Variants in MRPL3 observed in about 807,000 individuals in gnomAD.
MRPL3 encodes the protein large ribosomal subunit protein uL3m.
Under a neutral mutation model 44.3 loss-of-function variants are expected in MRPL3, and 43 were observed. The ratio of observed to expected loss-of-function variants is 0.97; its 90% CI spans 0.76 to 1.25. The LOEUF (loss-of-function observed/expected upper bound fraction) is 1.25. MRPL3 is among the 50% of genes most tolerant of loss of function. The pLI is 0.00. For missense variants in MRPL3, 406 were observed against 427.6 expected (o/e 0.95, Z 0.45); for synonymous variants, 171 against 152.3 (o/e 1.12, Z -0.91).
At chr3:131,476,867 A>T (rs182994048) in intron 6 of MRPL3, among the ~76,000 whole-genome samples, 189 of 152,330 alleles carry the variant, frequency 1.2e-3, no homozygotes, top group African/African-American at 4.5e-3. Context: ...TCCAGGGAAG[A>T]CAGGGGATTA....
chr3:131,501,077 A>G (rs1031585909), intron 2 of MRPL3, among the ~76,000 whole-genome samples: 1 of 152,200 alleles, frequency 6.6e-6, no homozygotes, highest in Non-Finnish European at 1.5e-5. Flanking sequence ...TTAATAGAAA[A>G]GGCCTTATTC....
chr3:131,479,309 C>A, intron 6 of MRPL3: 1 of 349,058 alleles, frequency 2.9e-6, no homozygotes, highest in South Asian at 2.4e-5. Flanking sequence ...ACTCAAAAAA[C>A]CAGTAACTGT....
At chr3:131,465,137 G>A (rs1933572487) in intron 9 of MRPL3, among the ~76,000 whole-genome samples, 1 of 152,162 alleles carries the variant, frequency 6.6e-6, no homozygotes, top group South Asian at 2.1e-4. Context: ...TATACTTGCT[G>A]GAAATATATT....
In MRPL3 at chr3:131,469,708, T is replaced by G. The variant is rs778902830; in HGVS notation, c.804A>C (p.Glu268Asp). ...TTGTAACACTTACTTTCAGTCCATATTCTGTCCTGTATATGTTTCCCATTT... is the reference window on the plus strand; with the variant it reads ...TTGTAACACTTACTTTCAGTCCATAGTCTGTCCTGTATATGTTTCCCATTT... ...PGKMGNIYRT[E>D]YGLKVWRINT... The change falls in exon 8 of 10, where the codon GAA becomes GAC. Residue 268 changes from glutamate to aspartate, a missense_variant. Coordinates refer to ENST00000264995, the MANE Select transcript of MRPL3 (RefSeq NM_007208.4). The G allele has an allele frequency of 6.2e-7, 1 of 1,611,102 alleles. No homozygotes were observed. The highest frequency in any genetic ancestry group is 1.3e-5 in the African/African-American group (1 of 74,796).
At chr3:131,474,433 G>C (rs1354905973) in intron 6 of MRPL3, among the ~76,000 whole-genome samples, 1 of 152,084 alleles carries the variant, frequency 6.6e-6, no homozygotes, top group African/African-American at 2.4e-5. Context: ...GGAGAGGTTG[G>C]TTAATAGGTA....
intron 6 of MRPL3, among the ~76,000 whole-genome samples, chr3:131,473,511 C>T (rs945819309): frequency 1.3e-5 from 2 of 151,412 alleles, no homozygotes; most frequent in East Asian, 3.9e-4. Flanking sequence ...TTAAATGAGA[C>T]CTCAAAAGCA....
At chr3:131,472,700 G>A (rs1050350091) in intron 6 of MRPL3, among the ~76,000 whole-genome samples, 2 of 151,958 alleles carry the variant, frequency 1.3e-5, no homozygotes, top group Non-Finnish European at 2.9e-5. Context: ...CCAAAAAAGT[G>A]TTAGAATAAA....
At chr3:131,476,888 C>G (rs1321992305) in intron 6 of MRPL3, among the ~76,000 whole-genome samples, 1 of 152,186 alleles carries the variant, frequency 6.6e-6, no homozygotes. Context: ...AGTCTCCTTT[C>G]TTCTGTCCTA....
At chr3:131,484,136 A>C (rs1321577754) in intron 6 of MRPL3, among the ~76,000 whole-genome samples, 1 of 152,182 alleles carries the variant, frequency 6.6e-6, no homozygotes, top group Non-Finnish European at 1.5e-5. Context: ...GTTATAATTC[A>C]AGCAGAGTTA....
intron 9 of MRPL3, among the ~76,000 whole-genome samples, chr3:131,466,968 A>G (rs914180387): frequency 2.0e-5 from 3 of 152,092 alleles, no homozygotes; most frequent in African/African-American, 7.2e-5. Context: ...CTGTGCTTGT[A>G]GACCACCTCC....
chr3:131,466,133 G>A (rs1488414147), intron 9 of MRPL3, among the ~76,000 whole-genome samples: 3 of 151,486 alleles, frequency 2.0e-5, no homozygotes, highest in South Asian at 2.1e-4. Context: ...TCTCAGAAAG[G>A]TAATTTTAAA....
chr3:131,485,878 A>G lies in MRPL3; in HGVS notation c.629+1802T>C, dbSNP rs569345026. Among the ~76,000 whole-genome samples, 12 of 152,324 alleles carry G rather than the reference A, an allele frequency of 7.9e-5. No homozygotes were observed. The South Asian group carries it at 2.3e-3, about 29-fold the overall frequency. On this transcript the variant is annotated intron_variant, in intron 6 of 9. Transcript: ENST00000264995. ...TTTTGATAAAAGGTGCTCTGGCTCA[A>G]TCTCTGTGATTACAAACTTATCCCA... is the stretch of plus-strand genomic sequence containing the variant.
chr3:131,466,595 G>A (rs1237240464), intron 9 of MRPL3, among the ~76,000 whole-genome samples: 1 of 147,126 alleles, frequency 6.8e-6, no homozygotes, highest in East Asian at 2.1e-4. Context: ...CCCCTCAAAT[G>A]TCTACCTTTA....
intron 5 of MRPL3, among the ~76,000 whole-genome samples, chr3:131,488,313 TATAG>T (rs1362958873): frequency 1.3e-5 from 2 of 152,188 alleles, no homozygotes; most frequent in African/African-American, 4.8e-5. Context: ...AAATTGCCTT[TATAG>T]ATACTTATTA....
chr3:131,468,456 A>G (rs1933670850), intron 8 of MRPL3, among the ~76,000 whole-genome samples: 2 of 152,146 alleles, frequency 1.3e-5, no homozygotes, highest in South Asian at 4.1e-4. Context: ...ACCATTAACA[A>G]TAACAAGTGG....
chr3:131,468,608 C>T (rs576299875), intron 8 of MRPL3, among the ~76,000 whole-genome samples: 3 of 152,064 alleles, frequency 2.0e-5, no homozygotes, highest in South Asian at 2.1e-4. Context: ...GGAGAAAAAA[C>T]GTACATAAAT....
chr3:131,499,710 T>G (rs937234325), intron 3 of MRPL3, among the ~76,000 whole-genome samples: 4 of 151,838 alleles, frequency 2.6e-5, no homozygotes, highest in Non-Finnish European at 5.9e-5. Flanking sequence ...GGAGTGATGA[T>G]CTCTTACCAG....
intron 9 of MRPL3, among the ~76,000 whole-genome samples, chr3:131,465,893 T>G (rs550833504): frequency 1.8e-5 from 2 of 108,162 alleles, no homozygotes; most frequent in African/African-American, 6.4e-5. Flanking sequence ...TTTTCTCTCT[T>G]TTTTTTTTTT....
intron 4 of MRPL3, among the ~76,000 whole-genome samples, chr3:131,494,278 A>G (rs1279175474): frequency 6.6e-6 from 1 of 152,190 alleles, no homozygotes; most frequent in East Asian, 1.9e-4. Context: ...TATTTCCTAC[A>G]CGCTGAAATT....
Sources: gnomAD v4.1 joint callset for allele counts (sites outside exome capture counted in the v4.1 genomes callset) on GRCh38, gnomAD v4.1.1 for gene constraint, MANE v1.5 for transcripts, NCBI Gene and HGNC (gene_info 2026-07-23, HGNC 2026-07-21) for gene names.